Variants in SLC14A2 observed in about 807,000 individuals in gnomAD.
SLC14A2 encodes solute carrier family 14 member 2, also known as urea transporter 2.
Under a neutral mutation model 104.6 loss-of-function variants are expected in SLC14A2, and 91 were observed. That is an observed-to-expected ratio of 0.87 (90% CI 0.73 to 1.04). SLC14A2 has a LOEUF of 1.04. SLC14A2 is among the 50% of genes least tolerant of loss of function. SLC14A2 has a pLI of 0.00. For synonymous variants in SLC14A2, 476 were observed against 466.4 expected (o/e 1.02, Z -0.27); for missense variants, 1,189 against 1,156.0 (o/e 1.03, Z -0.41).
Position 45,455,637 on chromosome 18 carries a change from C to CATAATAATAATA in SLC14A2, c.-124-27585_-124-27574dup, listed in dbSNP as rs141156069. 7.8e-3 allele frequency among the ~76,000 whole-genome samples: 1,168 copies of CATAATAATAATA among 148,974 alleles called. 12 individuals are homozygous for CATAATAATAATA. In the East Asian group the frequency reaches 0.083, roughly 11 times the overall value. On this transcript the variant is annotated intron_variant, in intron 1 of 20. Transcript: ENST00000586448. ...CTGCCATGTACCCCAGAACTTAAAG[C>CATAATAATAATA]ATAATAATAATAATAATAATAAAGT...
chr18:45,234,794 G>C (rs1459296178), intron 1 of SLC14A2, among the ~76,000 whole-genome samples: 1 of 152,096 alleles, frequency 6.6e-6, no homozygotes, highest in Non-Finnish European at 1.5e-5. Context: ...TATTTCTAAT[G>C]GGATGAATTA....
chr18:45,433,018 C>T (rs1350623945), intron 1 of SLC14A2, among the ~76,000 whole-genome samples: 11 of 152,116 alleles, frequency 7.2e-5, no homozygotes, highest in African/African-American at 2.7e-4. Flanking sequence ...TCTAAATTCT[C>T]CTCATCCTTC....
chr18:45,632,128 GGTGTGTGTGTGTGTGTTT>G lies in SLC14A2; in HGVS notation c.522-205_522-188del, dbSNP rs1423406135. Reference sequence around the variant, plus strand: ...TTTAATTGTCGATCAGCAAGACAAGGGTGTGTGTGTGTGTGTTTGTGTGTGTGTGTGTGTGTGTGTGTT... The same window carrying G: ...TTTAATTGTCGATCAGCAAGACAAGGGTGTGTGTGTGTGTGTGTGTGTGTT... On this transcript the variant is annotated intron_variant, in intron 4 of 19. Coordinates refer to ENST00000255226, the MANE Select transcript of SLC14A2 (RefSeq NM_007163.4). Among the ~76,000 whole-genome samples, 12 of 125,304 alleles carry G rather than the reference GGTGTGTGTGTGTGTGTTT, an allele frequency of 9.6e-5. No individual in the cohort carries two copies. The East Asian group carries it at 2.3e-3, about 24-fold the overall frequency. The allele number at this position is 125,304 out of a possible 152,430, so 82.2% of individuals were successfully genotyped here.
At chr18:45,643,765 C>G (rs1274859073) in intron 9 of SLC14A2, among the ~76,000 whole-genome samples, 1 of 152,192 alleles carries the variant, frequency 6.6e-6, no homozygotes, top group Non-Finnish European at 1.5e-5. Context: ...GATCCTCCCA[C>G]CTTGGCCTCC....
At chr18:45,563,202 A>G (rs1403819747) in intron 2 of SLC14A2, among the ~76,000 whole-genome samples, 3 of 152,174 alleles carry the variant, frequency 2.0e-5, no homozygotes, top group Non-Finnish European at 4.4e-5. Context: ...GAGGTCTGCC[A>G]GACCTGCATC....
At chr18:45,642,747 C>T (rs983287118) in intron 8 of SLC14A2, among the ~76,000 whole-genome samples, 1 of 151,456 alleles carries the variant, frequency 6.6e-6, no homozygotes, top group African/African-American at 2.4e-5. Context: ...GGCAGGAGCT[C>T]GTATAGTCTG....
intron 1 of SLC14A2, among the ~76,000 whole-genome samples, chr18:45,280,469 A>G (rs2084750827): frequency 6.6e-6 from 1 of 152,116 alleles, no homozygotes; most frequent in Admixed American, 6.5e-5. Flanking sequence ...TGGGAGTGAT[A>G]CTTCCACCAC....
chr18:45,168,540 C>T, the SLC14A2 span: 2 of 152,132 alleles, frequency 1.3e-5, no homozygotes, highest in Non-Finnish European at 2.9e-5. Context: ...ATATAAGCAG[C>T]ACTCAGTAAA....
chr18:45,279,772 AG>A (rs1188659830), intron 1 of SLC14A2, among the ~76,000 whole-genome samples: 1 of 152,180 alleles, frequency 6.6e-6, no homozygotes, highest in Admixed American at 6.5e-5. Flanking sequence ...CAACCATCCA[AG>A]GCTCACATAC....
upstream of SLC14A2, among the ~76,000 whole-genome samples, chr18:45,613,202 T>C (rs1284629062): frequency 6.6e-6 from 1 of 151,956 alleles, no homozygotes; most frequent in Non-Finnish European, 1.5e-5. Flanking sequence ...GCCCAGCTAA[T>C]TTTTTGTATT....
chr18:45,427,006 A>T (rs1240620427), intron 1 of SLC14A2, among the ~76,000 whole-genome samples: 1 of 151,916 alleles, frequency 6.6e-6, no homozygotes, highest in Non-Finnish European at 1.5e-5. Flanking sequence ...CTCAACATAG[A>T]GTTGGGGAAA....
chr18:45,315,814 G>C (rs2085123751), intron 1 of SLC14A2, among the ~76,000 whole-genome samples: 2 of 152,214 alleles, frequency 1.3e-5, no homozygotes, highest in South Asian at 4.1e-4. Flanking sequence ...TTCCCTAGAA[G>C]GAAATATGTG....
intron 2 of SLC14A2, among the ~76,000 whole-genome samples, chr18:45,587,852 G>C (rs1211019650): frequency 6.6e-6 from 1 of 152,136 alleles, no homozygotes; most frequent in African/African-American, 2.4e-5. Context: ...AAAAAACGCA[G>C]AGGGCACAAA....
chr18:45,337,097 T>A (rs1324799211), intron 1 of SLC14A2, among the ~76,000 whole-genome samples: 1 of 152,008 alleles, frequency 6.6e-6, no homozygotes, highest in Non-Finnish European at 1.5e-5. Flanking sequence ...CTAAGCAGGA[T>A]GGGAGTTCAG....
intron 2 of SLC14A2, among the ~76,000 whole-genome samples, chr18:45,595,038 C>T (rs1445590955): frequency 6.6e-6 from 1 of 152,212 alleles, no homozygotes; most frequent in Non-Finnish European, 1.5e-5. Flanking sequence ...GACATTCACT[C>T]TGCCATGAAA....
At chr18:45,390,816 CT>C (rs2085952986) in intron 1 of SLC14A2, among the ~76,000 whole-genome samples, 1 of 152,150 alleles carries the variant, frequency 6.6e-6, no homozygotes, top group Non-Finnish European at 1.5e-5. Flanking sequence ...AGGTGAGACA[CT>C]CAATATTGTT....
Position 45,668,039 on chromosome 18 carries a change from C to T in SLC14A2, c.1907+17C>T. The T allele has an allele frequency of 1.2e-6, 2 of 1,612,372 alleles. No homozygotes were observed. Among genetic ancestry groups the T allele is most frequent in the Non-Finnish European group, 1.7e-6 (2 of 1,178,382 alleles). On this transcript the variant is annotated intron_variant, in intron 14 of 19. Coordinates refer to ENST00000255226, the MANE Select transcript of SLC14A2 (RefSeq NM_007163.4). ...TCAGGACAAGTAAGTCCCAGAGGCT[C>T]AGGGTCCAAACATGTAGCCAAGAAG...
At chr18:45,418,855 C>T (rs773939601) in intron 1 of SLC14A2, among the ~76,000 whole-genome samples, 1 of 152,116 alleles carries the variant, frequency 6.6e-6, no homozygotes, top group Non-Finnish European at 1.5e-5. Context: ...AAAAAAAAGG[C>T]ATCTCCATTT....
chr18:45,359,860 C>T (rs1440031668), intron 1 of SLC14A2, among the ~76,000 whole-genome samples: 4 of 152,208 alleles, frequency 2.6e-5, no homozygotes, highest in African/African-American at 9.6e-5. Flanking sequence ...GATAGGGGCT[C>T]AGCTTTCTGG....
Sources: gnomAD v4.1 joint callset for allele counts (sites outside exome capture counted in the v4.1 genomes callset) on GRCh38, gnomAD v4.1.1 for gene constraint, MANE v1.5 for transcripts, NCBI Gene and HGNC (gene_info 2026-07-23, HGNC 2026-07-21) for gene names.